The following GAS7 variants were observed in gnomAD, a reference collection of about 807,000 sequenced individuals.
GAS7 encodes the protein growth arrest-specific protein 7.
GAS7 carries 28 observed loss-of-function variants against 71.1 expected under a neutral mutation model. The observed-to-expected ratio is 0.39, with a 90% CI of 0.29 to 0.54. GAS7 has a LOEUF of 0.54. Ranked by LOEUF, GAS7 falls within the 20% of genes least tolerant of loss-of-function variation. The pLI is 0.62. For synonymous variants in GAS7, 258 were observed against 245.8 expected (o/e 1.05, Z -0.46); for missense variants, 436 against 627.8 (o/e 0.69, Z 3.27).
intron 2 of GAS7, among the ~76,000 whole-genome samples, chr17:10,010,983 T>C (rs1597681204): frequency 6.6e-6 from 1 of 152,162 alleles, no homozygotes. Flanking sequence ...CAGCTGTGAG[T>C]TGAATTTGGC....
chr17:10,189,348 C>T (rs1273411345), intron 1 of GAS7, among the ~76,000 whole-genome samples: 1 of 152,170 alleles, frequency 6.6e-6, no homozygotes, highest in Non-Finnish European at 1.5e-5. Context: ...CTTGCCTCCC[C>T]TCCCTGTTTT....
In GAS7 at chr17:10,103,573, C is replaced by T. The variant is rs963656298; in HGVS notation, c.184-83676G>A. Among the ~76,000 whole-genome samples the T allele has an allele frequency of 5.9e-5, 9 of 152,242 alleles. No individual in the cohort carries two copies. Among genetic ancestry groups the T allele is most frequent in the African/African-American group, 2.2e-4 (9 of 41,540 alleles). ...AGGCGCGATGGCTCCCACCTGTAAT[C>T]CCAGCACTTTGGGAGGCCGAGGTGG... On this transcript the variant is annotated intron_variant, in intron 1 of 13. Transcript: ENST00000432992. The surrounding 1 kb of genome is among the most constrained non-coding windows in gnomAD (Gnocchi z 5.5).
intron 5 of GAS7, among the ~76,000 whole-genome samples, chr17:9,952,347 C>T (rs1439266039): frequency 6.6e-6 from 1 of 152,036 alleles, no homozygotes; most frequent in East Asian, 1.9e-4. Context: ...GAGCCCTGCT[C>T]TTAAGATCCT....
In GAS7 at chr17:10,023,197, G is replaced by A. The variant is rs373099683; in HGVS notation, c.184-3300C>T. ...CTAATGTGGCTGATGTGGCAAAGATGGTCTCCACATCTCCCTCCTGCAGGG... is the reference window on the plus strand; with the variant it reads ...CTAATGTGGCTGATGTGGCAAAGATAGTCTCCACATCTCCCTCCTGCAGGG... On this transcript the variant is annotated intron_variant, in intron 1 of 13. Transcript: ENST00000432992. Among the ~76,000 whole-genome samples, 11 of 152,310 alleles carry A rather than the reference G, an allele frequency of 7.2e-5. No individual in the cohort carries two copies. In the South Asian group the frequency reaches 2.3e-3, roughly 32 times the overall value.
At chr17:10,056,561 G>C (rs1229764863) in intron 1 of GAS7, among the ~76,000 whole-genome samples, 1 of 151,772 alleles carries the variant, frequency 6.6e-6, no homozygotes, top group Non-Finnish European at 1.5e-5. Flanking sequence ...TCAGTCTTCG[G>C]CTCCAACACT....
Position 9,969,807 on chromosome 17 carries a change from TG to T in GAS7, c.386-46del, listed in dbSNP as rs757779850. On this transcript the variant is annotated intron_variant, in intron 3 of 13. Coordinates refer to ENST00000432992, the MANE Select transcript of GAS7 (RefSeq NM_201433.2). The surrounding 1 kb of genome is among the most constrained non-coding windows in gnomAD (Gnocchi z 5.5). The stretch of plus-strand genomic sequence containing the variant: ...GCTCAGATGCTGTGTGGGCCACAGA[TG>T]GGCACCCCCGCCTTTCGTCCACTGC... 2.3e-6 allele frequency: 3 copies of T among 1,277,326 alleles called. No homozygotes were observed. Among genetic ancestry groups the T allele is most frequent in the South Asian group, 1.2e-5 (1 of 84,010 alleles). 79.1% of individuals were successfully genotyped at this position (1,277,326 alleles called of 1,614,324 possible). A position where few individuals can be genotyped will look rare whatever the true frequency, so the allele number is the denominator to read the frequency against.
chr17:9,990,186 A>G (rs981559010), intron 2 of GAS7, among the ~76,000 whole-genome samples: 3 of 152,234 alleles, frequency 2.0e-5, no homozygotes, highest in Middle Eastern at 3.4e-3. Context: ...GGAGAATGGC[A>G]TGAACCCGGG....
intron 5 of GAS7, among the ~76,000 whole-genome samples, chr17:9,954,938 C>T (rs2069171819): frequency 6.6e-6 from 1 of 152,112 alleles, no homozygotes; most frequent in Admixed American, 6.5e-5. Context: ...TGTGTGCGCG[C>T]AGATGTCCTG....
At chr17:10,040,335 A>T (rs994738201) in intron 1 of GAS7, among the ~76,000 whole-genome samples, 1 of 152,098 alleles carries the variant, frequency 6.6e-6, no homozygotes, top group Non-Finnish European at 1.5e-5. Context: ...AGAGTTTAAG[A>T]GGCATGGGAG....
intron 1 of GAS7, among the ~76,000 whole-genome samples, chr17:10,178,252 T>C (rs529276236): frequency 6.6e-6 from 1 of 152,318 alleles, no homozygotes; most frequent in African/African-American, 2.4e-5. Flanking sequence ...CGCTGGCTTC[T>C]TGGACCAGGA....
rs749338597 is a variant in GAS7, at chr17:9,929,128, T to G, written c.886-2359A>C. ...CTTTCCCACGTATATAGGTTTGGCA[T>G]TTGCTGAGTAGGAGCAGCTGTACGA... On this transcript the variant is annotated intron_variant, in intron 9 of 13. Transcript: ENST00000432992. Among the ~76,000 whole-genome samples, 3 of 152,300 alleles carry G rather than the reference T, an allele frequency of 2.0e-5. No homozygotes were observed. In the South Asian group the frequency reaches 6.2e-4, roughly 32 times the overall value.
intron 2 of GAS7, among the ~76,000 whole-genome samples, chr17:10,016,566 A>G (rs1238457758): frequency 6.9e-6 from 1 of 144,250 alleles, no homozygotes; most frequent in African/African-American, 2.5e-5. Context: ...GAAGTTCGGG[A>G]TCAGCCTAGG....
At chr17:10,029,364 C>T (rs774445517) in intron 1 of GAS7, among the ~76,000 whole-genome samples, 4 of 152,168 alleles carry the variant, frequency 2.6e-5, no homozygotes, top group Admixed American at 6.5e-5. Context: ...CTTCAACTGC[C>T]TGAAAGAGCA....
chr17:9,950,537 G>A (rs561787452), intron 5 of GAS7, among the ~76,000 whole-genome samples: 5 of 152,258 alleles, frequency 3.3e-5, no homozygotes, highest in Admixed American at 6.5e-5. Flanking sequence ...CTAATGATAA[G>A]TGGGGAAAAT....
rs1468250455 is a variant in GAS7 at position 9,959,347 on chromosome 17, G to A, written c.472-92C>T. 1 of 1,587,134 alleles carries A rather than the reference G, an allele frequency of 6.3e-7. No homozygotes were observed. Among genetic ancestry groups the A allele is most frequent in the Non-Finnish European group, 8.6e-7 (1 of 1,165,770 alleles). On this transcript the variant is annotated intron_variant, in intron 4 of 13. Coordinates refer to ENST00000432992, the MANE Select transcript of GAS7 (RefSeq NM_201433.2). The surrounding 1 kb of genome is among the most constrained non-coding windows in gnomAD (Gnocchi z 5.0). Reference sequence around the variant, plus strand: ...AGGTTCCCTGAGGGTGGAGGCGCTGGGGAATCAGGGATGCTCAGTCTGAAT... The same window carrying A: ...AGGTTCCCTGAGGGTGGAGGCGCTGAGGAATCAGGGATGCTCAGTCTGAAT...
rs4668 is a variant in GAS7 at position 9,911,106 on chromosome 17, T to C, written c.*6122A>G. ...GATGCTAAGTTGGGGCCCCTGTCACTAAGGATGGCTGGCGTCCCTTTGAAT... is the reference window on the plus strand; with the variant it reads ...GATGCTAAGTTGGGGCCCCTGTCACCAAGGATGGCTGGCGTCCCTTTGAAT... On this transcript the variant is annotated 3_prime_UTR_variant, in exon 14 of 14. Transcript: ENST00000432992. This position sits in a 1 kb window ranked among gnomAD's most constrained non-coding sequence, Gnocchi z 4.0. 142,503 of 232,742 alleles carry C rather than the reference T, an allele frequency of 0.61. 44,765 individuals carry two copies. Among genetic ancestry groups the C allele is most frequent in the African/African-American group, 0.78 (35,336 of 45,332 alleles). 14.4% of individuals were successfully genotyped at this position (232,742 alleles called of 1,614,324 possible). A position where few individuals can be genotyped will look rare whatever the true frequency, so the allele number is the denominator to read the frequency against.
At chr17:9,963,345 G>A (rs149374851) in intron 4 of GAS7, among the ~76,000 whole-genome samples, 250 of 152,290 alleles carry the variant, frequency 1.6e-3, no homozygotes, top group African/African-American at 5.7e-3. Context: ...TGATGAAAAT[G>A]TTCTAAAATA....
chr17:9,963,039 G>GAAA (rs71139010), intron 4 of GAS7, among the ~76,000 whole-genome samples: 1 of 131,044 alleles, frequency 7.6e-6, no homozygotes, highest in African/African-American at 2.9e-5. Context: ...TCAAGGTGAT[G>GAAA]AAAAAAAAAA....
chr17:9,991,324 C>T (rs1339362881), intron 2 of GAS7, among the ~76,000 whole-genome samples: 1 of 152,100 alleles, frequency 6.6e-6, no homozygotes, highest in African/African-American at 2.4e-5. Flanking sequence ...ACCAGGGAAA[C>T]ATCACTATGA....
Sources: allele counts gnomAD v4.1 joint callset (sites outside exome capture counted in the v4.1 genomes callset), GRCh38; gene constraint gnomAD v4.1.1; non-coding constraint Gnocchi (gnomAD v3.1); transcripts MANE v1.5; gene names NCBI Gene and HGNC (gene_info 2026-07-23, HGNC 2026-07-21).